The following ADGRV1 variants were observed in gnomAD, a reference collection of about 807,000 sequenced individuals.
The protein encoded by ADGRV1 is adhesion G protein-coupled receptor V1, also known as G-protein coupled receptor 98.
In ADGRV1, 359 loss-of-function variants were observed where a neutral mutation model predicts 596.2. The observed-to-expected ratio is 0.60, with a 90% confidence interval of 0.55 to 0.66. The LOEUF is 0.66. Ranked by LOEUF, ADGRV1 falls within the 30% of genes least tolerant of loss-of-function variation. The pLI, the probability that ADGRV1 is intolerant of heterozygous loss-of-function variation, is 0.00. For missense variants in ADGRV1, 7,274 were observed against 7,575.6 expected (o/e 0.96, Z 1.48); for synonymous variants, 2,681 against 2,679.2 (o/e 1.00, Z -0.02).
At chr5:90,735,005 T>C (rs1753037449) in intron 50 of ADGRV1, among the ~76,000 whole-genome samples, 1 of 152,254 alleles carries the variant, frequency 6.6e-6, no homozygotes, top group African/African-American at 2.4e-5. Context: ...TTGTGATTGT[T>C]TCCTTTGCTG....
rs70973717 is a variant in ADGRV1, at chr5:90,954,169, C to CTT, written c.17857-11230_17857-11229dup. On this transcript the variant is annotated intron_variant, in intron 83 of 89. Transcript: ENST00000405460. ...TATTGGGCTGCTTTTCCCAGCCTTG[C>CTT]TTTTTTTTTTTTTTTTTAACATCCT... is the stretch of plus-strand genomic sequence containing the variant. 9.2e-3 allele frequency among the ~76,000 whole-genome samples: 1,273 copies of CTT among 138,392 alleles called. 37 individuals are homozygous for CTT. Among genetic ancestry groups the CTT allele is most frequent in the Admixed American group, 0.053 (733 of 13,708 alleles). The allele number at this position is 138,392 out of a possible 152,430, so 90.8% of individuals were successfully genotyped here. A position where few individuals can be genotyped will look rare whatever the true frequency, so the allele number is the denominator to read the frequency against.
Position 90,679,617 on chromosome 5 carries a change from A to C in ADGRV1, c.5512A>C (p.Ile1838Leu). ...GGACATGGAATTCTTCCTTCCAACT[A>C]TTCACAAACGTGGTAAGCAGTTTTT... is the stretch of plus-strand genomic sequence containing the variant. ...DGDMEFFLPT[I>L]HKRASLGVAS... Residue 1838 changes from isoleucine (I) to leucine (L), a missense_variant, in exon 26 of 90, where the codon ATT becomes CTT. By Grantham distance (5) the Ile-to-Leu change is conservative (BLOSUM62 2). Coordinates refer to ENST00000405460, the MANE Select transcript of ADGRV1 (RefSeq NM_032119.4). 1 of 1,613,070 alleles carries C rather than the reference A, an allele frequency of 6.2e-7. No homozygotes were observed. The highest frequency in any genetic ancestry group is 8.5e-7 in the Non-Finnish European group (1 of 1,179,172).
intron 85 of ADGRV1, among the ~76,000 whole-genome samples, chr5:91,045,804 C>T (rs963181264): frequency 1.7e-4 from 26 of 151,912 alleles, no homozygotes; most frequent in Admixed American, 7.9e-4. Flanking sequence ...TTTCTAGAAC[C>T]GATAAAAGAA....
intron 38 of ADGRV1, among the ~76,000 whole-genome samples, chr5:90,706,730 TAA>T (rs59122560): frequency 0.013 from 1,910 of 143,970 alleles, 35 homozygotes; most frequent in African/African-American, 0.041. Context: ...TTTCTATTAG[TAA>T]AAAAAAAAAA....
chr5:90,692,648 T>C lies in ADGRV1; in HGVS notation c.6995T>C (p.Ile2332Thr), dbSNP rs779946428. 1.9e-6 allele frequency: 3 copies of C among 1,611,688 alleles called. No individual in the cohort carries two copies. The highest frequency in any genetic ancestry group is 1.3e-5 in the African/African-American group (1 of 74,878). ...ACTGATGCCTCTGGTGGAGGTACTA[T>C]TGGGTTAGATCGAATTGCAAATATT... ...QLTDASGGGT[I>T]GLDRIANIII... The change falls in exon 32 of 90, where the codon ATT becomes ACT. Residue 2332 changes from isoleucine to threonine, a missense_variant. Around this residue, in one of 5 missense-constraint regions of ADGRV1, gnomAD observed 3,643 missense variants for 3,809.2 expected, o/e 0.96. Transcript: ENST00000405460.
At chr5:90,661,416 T>G (rs192647928) in intron 21 of ADGRV1, among the ~76,000 whole-genome samples, 2 of 152,322 alleles carry the variant, frequency 1.3e-5, no homozygotes, top group African/African-American at 4.8e-5. Flanking sequence ...TGTTTTTAAG[T>G]GCCTACCATG....
intron 87 of ADGRV1, among the ~76,000 whole-genome samples, chr5:91,147,176 TA>T (rs57619661): frequency 0.73 from 73,535 of 100,738 alleles, 27,236 homozygotes; most frequent in Non-Finnish European, 0.83. Context: ...GACCTTGTCT[TA>T]AAAAAAAAAA....
At chr5:90,780,011 T>C (rs1199243107) in intron 64 of ADGRV1, 6 of 152,236 alleles carry the variant, frequency 3.9e-5, no homozygotes, top group Non-Finnish European at 5.9e-5. Context: ...AATGCTTCTA[T>C]GCCTGGCAAT....
chr5:90,693,558 T>C (rs1410584131), intron 32 of ADGRV1, among the ~76,000 whole-genome samples: 1 of 152,178 alleles, frequency 6.6e-6, no homozygotes, highest in East Asian at 1.9e-4. Flanking sequence ...AATGTAGTCA[T>C]GTTTGTTATC....
At chr5:90,993,980 T>G (rs1235376107) in intron 85 of ADGRV1, among the ~76,000 whole-genome samples, 3 of 88,860 alleles carry the variant, frequency 3.4e-5, no homozygotes, top group Non-Finnish European at 8.7e-5. Context: ...ATTTACCAAT[T>G]TTTTTTTTTT....
chr5:90,759,730 CCG>C, intron 58 of ADGRV1, 142 bp downstream of exon 58: 1 of 699,410 alleles, frequency 1.4e-6, no homozygotes, highest in Non-Finnish European at 2.5e-6. Flanking sequence ...CTTTGGGAGG[CCG>C]CAGCGGGCAG....
At chr5:90,740,410 C>A (rs1433753522) in intron 50 of ADGRV1, among the ~76,000 whole-genome samples, 1 of 152,170 alleles carries the variant, frequency 6.6e-6, no homozygotes, top group Non-Finnish European at 1.5e-5. Context: ...AATCACTAAG[C>A]TTGGGTGGAG....
chr5:90,683,660 C>A lies in ADGRV1; in HGVS notation c.5739C>A (p.Leu1913=). ...TAGACTCTGATCCTGATGGTGATCT[C>A]GCCTTCACCTCTGGCAACATCACAT... is the stretch of plus-strand genomic sequence containing the variant. ...WNIDSDPDGD[L]AFTSGNITFE... Residue 1913 remains leucine (L), a synonymous_variant, in exon 28 of 90, where the codon CTC becomes CTA. Coordinates refer to ENST00000405460, the MANE Select transcript of ADGRV1 (RefSeq NM_032119.4). 6.2e-7 allele frequency: 1 copy of A among 1,613,508 alleles called. No homozygotes were observed. Among genetic ancestry groups the A allele is most frequent in the South Asian group, 1.1e-5 (1 of 91,056 alleles).
chr5:91,010,914 T>A (rs1562085931), intron 85 of ADGRV1, among the ~76,000 whole-genome samples: 2 of 151,968 alleles, frequency 1.3e-5, no homozygotes, highest in South Asian at 2.1e-4. Flanking sequence ...TCAATATCAT[T>A]TGACTTTGGA....
intron 61 of ADGRV1, among the ~76,000 whole-genome samples, chr5:90,777,695 A>G (rs531177018): frequency 6.6e-6 from 1 of 152,282 alleles, no homozygotes; most frequent in East Asian, 1.9e-4. Context: ...ATTCCTGTCA[A>G]GATAGATTTA....
At chr5:90,638,539 GTTTT>G (rs56085950) in intron 11 of ADGRV1, among the ~76,000 whole-genome samples, 1 of 148,534 alleles carries the variant, frequency 6.7e-6, no homozygotes, top group East Asian at 2.0e-4. Flanking sequence ...CTCTCAAAGA[GTTTT>G]TTTTTTCAGT....
At chr5:90,908,623 T>G (rs1378397229) in intron 83 of ADGRV1, among the ~76,000 whole-genome samples, 1 of 152,214 alleles carries the variant, frequency 6.6e-6, no homozygotes, top group Non-Finnish European at 1.5e-5. Flanking sequence ...AATTTTATTA[T>G]AATAACCTAA....
intron 85 of ADGRV1, among the ~76,000 whole-genome samples, chr5:91,048,043 C>T (rs551763160): frequency 6.6e-6 from 1 of 152,306 alleles, no homozygotes; most frequent in African/African-American, 2.4e-5. Context: ...TAGGGAAGAG[C>T]GTGTGGTTAG....
At chr5:91,137,262 A>G (rs1794717526) in intron 87 of ADGRV1, among the ~76,000 whole-genome samples, 1 of 151,836 alleles carries the variant, frequency 6.6e-6, no homozygotes, top group Non-Finnish European at 1.5e-5. Context: ...TTTGTTTTCC[A>G]TTCGACTTTC....
Sources: allele counts gnomAD v4.1 joint callset (sites outside exome capture counted in the v4.1 genomes callset), GRCh38; gene constraint gnomAD v4.1.1; regional missense constraint gnomAD v4.1.1; transcripts MANE v1.5; gene names NCBI Gene and HGNC (gene_info 2026-07-23, HGNC 2026-07-21).